Variants in LDAH observed in about 807,000 individuals in gnomAD.
LDAH encodes lipid droplet-associated hydrolase.
Under a neutral mutation model 29.6 loss-of-function variants are expected in LDAH, and 26 were observed. The ratio of observed to expected loss-of-function variants is 0.88; its 90% CI spans 0.64 to 1.22. The LOEUF (loss-of-function observed/expected upper bound fraction) is 1.22, where lower values mean the gene tolerates loss of function less well. Among genes scored for constraint, LDAH ranks in the 50% most tolerant of loss-of-function variants. The pLI is 0.00. For synonymous variants in LDAH, 117 were observed against 133.0 expected (o/e 0.88, Z 0.83); for missense variants, 344 against 387.3 (o/e 0.89, Z 0.94).
intron 4 of LDAH, among the ~76,000 whole-genome samples, chr2:20,744,631 T>C (rs1667444631): frequency 6.6e-6 from 1 of 152,164 alleles, no homozygotes; most frequent in Non-Finnish European, 1.5e-5. Flanking sequence ...CAGACCTTGT[T>C]AAGAAGAGCA....
Position 20,823,040 on chromosome 2 carries a change from T to C in LDAH, c.-6A>G, listed in dbSNP as rs1673449554. The C allele has an allele frequency of 1.3e-5, 2 of 152,354 alleles. No homozygotes were observed. Among genetic ancestry groups the C allele is most frequent in the South Asian group, 2.1e-4 (1 of 4,830 alleles). 9.4% of individuals were successfully genotyped at this position (152,354 alleles called of 1,614,324 possible). ...AGCTCGGCAAGCTGTACCTCACCTGTCCACCTGGAAGGCTGCCCGCTCTCC... is the reference window on the plus strand; with the variant it reads ...AGCTCGGCAAGCTGTACCTCACCTGCCCACCTGGAAGGCTGCCCGCTCTCC... On this transcript the variant is annotated 5_prime_UTR_variant, in exon 1 of 7. Transcript: ENST00000237822.
intron 1 of LDAH, among the ~76,000 whole-genome samples, chr2:20,821,777 T>TA (rs777416787): frequency 4.0e-5 from 6 of 151,644 alleles, no homozygotes; most frequent in African/African-American, 1.4e-4. Context: ...TTAAAAAAAT[T>TA]AAAAAAAAGA....
rs1672662937 is a variant in LDAH at position 20,813,777 on chromosome 2, A to G, written c.-3+9260T>C. ...GTCTTACAGTCTTTGGATATAAAAT[A>G]CCTTACTCTTTAATTTGCATTTCAC... is the stretch of plus-strand genomic sequence containing the variant. On this transcript the variant is annotated intron_variant, in intron 1 of 6. Transcript: ENST00000237822. Among the ~76,000 whole-genome samples, 3 of 152,292 alleles carry G rather than the reference A, an allele frequency of 2.0e-5. No individual in the cohort carries two copies. In the South Asian group the frequency reaches 6.2e-4, roughly 32 times the overall value.
rs563372762 is a variant in LDAH, at chr2:20,711,384, CAA to C, written c.704-9734_704-9733del. The stretch of plus-strand genomic sequence containing the variant: ...TCGGCGACAGAGCGAGAGTCCGTAT[CAA>C]AAAAAAAAAAAAAGAGTAGAGAAGT... On this transcript the variant is annotated intron_variant, in intron 5 of 6. Transcript: ENST00000237822. 1.1e-3 allele frequency among the ~76,000 whole-genome samples: 120 copies of C among 106,376 alleles called. No homozygotes were observed. In the East Asian group the frequency reaches 0.025, roughly 22 times the overall value. 69.8% of individuals were successfully genotyped at this position (106,376 alleles called of 152,430 possible).
chr2:20,718,502 C>T (rs994787187), intron 5 of LDAH, among the ~76,000 whole-genome samples: 1 of 152,052 alleles, frequency 6.6e-6, no homozygotes, highest in Non-Finnish European at 1.5e-5. Context: ...CACCAGAACA[C>T]CCAAATATAC....
At chr2:20,689,884 G>A (rs528700468) in intron 6 of LDAH, among the ~76,000 whole-genome samples, 19 of 152,272 alleles carry the variant, frequency 1.2e-4, no homozygotes, top group Middle Eastern at 6.8e-3. Flanking sequence ...CCTCACTCCA[G>A]TACAAGCTAC....
chr2:20,755,247 T>C (rs550776324), intron 4 of LDAH, among the ~76,000 whole-genome samples: 9 of 152,066 alleles, frequency 5.9e-5, no homozygotes, highest in African/African-American at 1.7e-4. Flanking sequence ...TGTTGCACTA[T>C]TCTTAGTCTT....
chr2:20,701,521 T>A (rs2149353650), intron 6 of LDAH, 49 bp downstream of exon 6: 1 of 1,474,590 alleles, frequency 6.8e-7, no homozygotes, highest in South Asian at 1.1e-5. Context: ...CCCTCGTATC[T>A]CTGCCCATCT....
intron 2 of LDAH, among the ~76,000 whole-genome samples, chr2:20,798,571 A>G (rs1671462770): frequency 6.8e-6 from 1 of 148,148 alleles, no homozygotes; most frequent in Non-Finnish European, 1.5e-5. Context: ...TATAATTAAT[A>G]TAATATAATA....
At chr2:20,711,210 A>T (rs1437329506) in intron 5 of LDAH, among the ~76,000 whole-genome samples, 1 of 151,958 alleles carries the variant, frequency 6.6e-6, no homozygotes, top group Non-Finnish European at 1.5e-5. Context: ...AACATGGTGA[A>T]ACCCTGTCTC....
chr2:20,782,380 G>A (rs147959692), intron 3 of LDAH, among the ~76,000 whole-genome samples: 7 of 152,292 alleles, frequency 4.6e-5, no homozygotes, highest in African/African-American at 1.7e-4. Context: ...ACTTAAGATA[G>A]CTCACTTGAT....
chr2:20,774,652 A>G (rs1362847539), intron 4 of LDAH, among the ~76,000 whole-genome samples, 158 bp downstream of exon 4: 4 of 152,244 alleles, frequency 2.6e-5, no homozygotes, highest in Admixed American at 2.0e-4. Flanking sequence ...ACATAAGCCC[A>G]TCGTAATATG....
intron 5 of LDAH, among the ~76,000 whole-genome samples, chr2:20,703,968 T>C (rs950361933): frequency 3.3e-5 from 5 of 152,182 alleles, no homozygotes; most frequent in Non-Finnish European, 5.9e-5. Flanking sequence ...GAAAGTGCTA[T>C]GGAGAAAAAT....
chr2:20,819,698 T>C (rs987343416), intron 1 of LDAH, among the ~76,000 whole-genome samples: 1 of 152,110 alleles, frequency 6.6e-6, no homozygotes, highest in Admixed American at 6.6e-5. Context: ...CTTTGAAAAC[T>C]GGCACAAGAC....
chr2:20,791,814 A>G (rs1257575283), intron 2 of LDAH, among the ~76,000 whole-genome samples: 9 of 152,172 alleles, frequency 5.9e-5, no homozygotes, highest in Non-Finnish European at 1.3e-4. Context: ...TTTCCAAGTG[A>G]CTGGCCAATT....
At position 20,695,744 on chromosome 2, in the gene LDAH, G is replaced by A. The variant is rs201642674; in HGVS notation, c.786+5826C>T. Among the ~76,000 whole-genome samples the A allele has an allele frequency of 8.5e-5, 13 of 152,248 alleles. No individual in the cohort carries two copies. The East Asian group carries it at 1.5e-3, about 18-fold the overall frequency. On this transcript the variant is annotated intron_variant, in intron 6 of 6. Coordinates refer to ENST00000237822, the MANE Select transcript of LDAH (RefSeq NM_021925.4). ...ATTACAGGCATGAGCCACCGTGCCCGGCGGAGATACTCTTATAAGGTCTGA... is the reference window on the plus strand; with the variant it reads ...ATTACAGGCATGAGCCACCGTGCCCAGCGGAGATACTCTTATAAGGTCTGA...
At chr2:20,789,484 A>G (rs1324740919) in intron 3 of LDAH, 2 of 1,269,406 alleles carry the variant, frequency 1.6e-6, no homozygotes, top group Non-Finnish European at 2.1e-6. Flanking sequence ...TAGCAGCCCA[A>G]ACTGACTAAG....
intron 2 of LDAH, among the ~76,000 whole-genome samples, chr2:20,794,641 AC>A (rs1671195633): frequency 6.6e-6 from 1 of 152,044 alleles, no homozygotes; most frequent in Non-Finnish European, 1.5e-5. Context: ...TAAAAGAAAA[AC>A]CATACGATCC....
chr2:20,810,201 A>C (rs746059074), intron 1 of LDAH, among the ~76,000 whole-genome samples: 2 of 152,192 alleles, frequency 1.3e-5, no homozygotes, highest in African/African-American at 2.4e-5. Flanking sequence ...ATCTGGAAGT[A>C]TCTTTGTTCA....
Sources: gnomAD v4.1 joint callset for allele counts (sites outside exome capture counted in the v4.1 genomes callset) on GRCh38, gnomAD v4.1.1 for gene constraint, MANE v1.5 for transcripts, NCBI Gene and HGNC (gene_info 2026-07-23, HGNC 2026-07-21) for gene names.